The following EYS variants were observed in gnomAD, a reference collection of about 807,000 sequenced individuals.
EYS encodes EGF-like photoreceptor maintenance factor, also known as protein eyes shut homolog.
EYS carries 250 observed loss-of-function variants against 282.1 expected under a neutral mutation model. That is an observed-to-expected ratio of 0.89 (90% confidence interval 0.80 to 0.98). The LOEUF (loss-of-function observed/expected upper bound fraction) is 0.98. Among genes scored for constraint, EYS ranks in the 50% least tolerant of loss-of-function variants. The probability of loss-of-function intolerance (pLI) is 0.00; values close to 1 mark genes in which losing one functional copy is unlikely to be tolerated. For missense variants in EYS, 4,016 were observed against 3,709.0 expected (o/e 1.08, Z -2.15); for synonymous variants, 1,355 against 1,282.9 (o/e 1.06, Z -1.20).
At chr6:65,002,881 A>T (rs981070190) in intron 13 of EYS, among the ~76,000 whole-genome samples, 1 of 144,924 alleles carries the variant, frequency 6.9e-6, no homozygotes, top group South Asian at 2.3e-4. Context: ...ATGGACAATT[A>T]TCACTTCCCC....
chr6:64,299,670 C>A, intron 30 of EYS, among the ~76,000 whole-genome samples: 1 of 152,196 alleles, frequency 6.6e-6, no homozygotes, highest in East Asian at 1.9e-4. Context: ...ATTATTGAAA[C>A]AGCTGCTTAA....
intron 33 of EYS, among the ~76,000 whole-genome samples, chr6:64,038,647 T>C (rs1357415396): frequency 6.6e-6 from 1 of 151,634 alleles, no homozygotes; most frequent in Non-Finnish European, 1.5e-5. Flanking sequence ...ATTGTGTGCA[T>C]AAAAATATCA....
intron 2 of EYS, among the ~76,000 whole-genome samples, chr6:65,504,007 G>T (rs73743922): frequency 0.027 from 4,049 of 151,704 alleles, 120 homozygotes; most frequent in African/African-American, 0.073. Flanking sequence ...ATGTAATTTT[G>T]ATTGGGATTG....
At position 64,591,477 on chromosome 6, in the gene EYS, C is replaced by A. The variant is rs1766408084; in HGVS notation, c.4390G>T (p.Gly1464Trp). The change falls in exon 26 of 43, where the codon GGG becomes TGG. Residue 1464 changes from glycine to tryptophan, a missense_variant. By Grantham distance (184) the Gly-to-Trp change is radical. Coordinates refer to ENST00000503581, the MANE Select transcript of EYS (RefSeq NM_001142800.2). Reference sequence around the variant, plus strand: ...TATTCTTCAATATCCTCTTGAGCCCCCCTAGAGACAACTGGAGTTGCACTT... The same window carrying A: ...TATTCTTCAATATCCTCTTGAGCCCACCTAGAGACAACTGGAGTTGCACTT... ...SISATPVVSR[G>W]AQEDIEEYSA... is the part of the protein sequence containing the mutation. 1 of 1,551,250 alleles carries A rather than the reference C, an allele frequency of 6.4e-7. No individual in the cohort carries two copies. Among genetic ancestry groups the A allele is most frequent in the African/African-American group, 1.4e-5 (1 of 73,072 alleles).
rs530200433 is a variant in EYS at position 65,335,133 on chromosome 6, C to T, written c.1613G>A (p.Gly538Glu). The change falls in exon 11 of 43, where the codon GGA becomes GAA. Residue 538 changes from glycine to glutamate, a missense_variant. Transcript: ENST00000503581. ...HEGTKEICAN[G>E]CSCLSEEDSQ... ...GTCTTCTTCACTCAAACAACTGCAT[C>T]CATTTGCACAAATCTATAGCAACGA... 5 of 1,609,804 alleles carry T rather than the reference C, an allele frequency of 3.1e-6. No individual in the cohort carries two copies. Among genetic ancestry groups the T allele is most frequent in the Non-Finnish European group, 4.2e-6 (5 of 1,177,342 alleles).
At chr6:64,472,497 A>C (rs537830629) in intron 26 of EYS, among the ~76,000 whole-genome samples, 1 of 152,316 alleles carries the variant, frequency 6.6e-6, no homozygotes, top group Admixed American at 6.5e-5. Flanking sequence ...TGAAAGATAC[A>C]TATTTGGCCA....
At chr6:65,181,382 C>A (rs181352884) in intron 12 of EYS, among the ~76,000 whole-genome samples, 1 of 152,132 alleles carries the variant, frequency 6.6e-6, no homozygotes, top group African/African-American at 2.4e-5. Context: ...ACAACCCTAT[C>A]AAAAAATGGG....
intron 2 of EYS, among the ~76,000 whole-genome samples, chr6:65,503,241 A>G (rs1396215527): frequency 2.6e-5 from 4 of 151,534 alleles, no homozygotes; most frequent in African/African-American, 4.8e-5. Flanking sequence ...ACCTTTTTAT[A>G]TGTTTATTTA....
At chr6:64,474,278 A>G (rs1468706535) in intron 26 of EYS, among the ~76,000 whole-genome samples, 3 of 152,214 alleles carry the variant, frequency 2.0e-5, no homozygotes, top group Non-Finnish European at 2.9e-5. Flanking sequence ...TAAGGCTAGC[A>G]TAAATCTTCA....
chr6:64,815,632 G>A (rs1018203223), intron 21 of EYS, among the ~76,000 whole-genome samples: 3 of 151,856 alleles, frequency 2.0e-5, no homozygotes, highest in Admixed American at 2.0e-4. Flanking sequence ...ATATTGCTTT[G>A]CTATATTCTA....
chr6:64,946,809 T>A (rs1769300648), intron 14 of EYS, among the ~76,000 whole-genome samples: 1 of 151,990 alleles, frequency 6.6e-6, no homozygotes, highest in Non-Finnish European at 1.5e-5. Flanking sequence ...CTCACTAAAA[T>A]TTTTTATTAT....
chr6:65,282,322 A>G (rs1768246510), intron 12 of EYS, among the ~76,000 whole-genome samples: 1 of 152,022 alleles, frequency 6.6e-6, no homozygotes, highest in South Asian at 2.1e-4. Context: ...ATAAATCAAA[A>G]CATTGCTTTG....
intron 12 of EYS, among the ~76,000 whole-genome samples, chr6:65,066,229 T>A (rs1773741347): frequency 1.3e-5 from 2 of 152,208 alleles, no homozygotes; most frequent in South Asian, 4.1e-4. Flanking sequence ...ACATGTATAT[T>A]GTTACTAGAA....
intron 18 of EYS, among the ~76,000 whole-genome samples, chr6:64,897,519 AAATTTT>A (rs1324293603): frequency 6.6e-6 from 1 of 152,214 alleles, no homozygotes; most frequent in Non-Finnish European, 1.5e-5. Flanking sequence ...AAAAGGCTGA[AAATTTT>A]AAAAACCAGA....
At chr6:63,963,209 C>T (rs756681881) in intron 35 of EYS, among the ~76,000 whole-genome samples, 1 of 151,296 alleles carries the variant, frequency 6.6e-6, no homozygotes, top group East Asian at 1.9e-4. Context: ...ACCAACATGG[C>T]ATATGTATAT....
intron 2 of EYS, among the ~76,000 whole-genome samples, chr6:65,622,149 T>A (rs756997921): frequency 4.6e-5 from 7 of 152,224 alleles, no homozygotes; most frequent in Non-Finnish European, 7.3e-5. Flanking sequence ...CCTTCTCAGC[T>A]GATTCTCTCT....
chr6:64,103,928 T>C (rs1357552117), intron 31 of EYS, among the ~76,000 whole-genome samples: 1 of 152,052 alleles, frequency 6.6e-6, no homozygotes. Context: ...TGGGTTAAGG[T>C]GAAGTGAGAT....
At chr6:63,776,974 T>G (rs955846652) in intron 40 of EYS, among the ~76,000 whole-genome samples, 2 of 152,198 alleles carry the variant, frequency 1.3e-5, no homozygotes, top group Admixed American at 6.5e-5. Context: ...TGTAAAGCAA[T>G]CTAAAGGTTT....
chr6:64,771,257 T>C (rs567295593), intron 22 of EYS, among the ~76,000 whole-genome samples: 1 of 151,844 alleles, frequency 6.6e-6, no homozygotes, highest in South Asian at 2.1e-4. Context: ...TTCCTAGTAT[T>C]TGTGATTCTC....
Sources: gnomAD v4.1 joint callset for allele counts (sites outside exome capture counted in the v4.1 genomes callset) on GRCh38, gnomAD v4.1.1 for gene constraint, MANE v1.5 for transcripts, NCBI Gene and HGNC (gene_info 2026-07-23, HGNC 2026-07-21) for gene names.